Variants in ORC1 observed in about 807,000 individuals in gnomAD.
The protein encoded by ORC1 is origin recognition complex, subunit 1 homolog.
ORC1 carries 61 observed loss-of-function variants against 98.9 expected under a neutral mutation model. That is an observed-to-expected ratio of 0.62 (90% confidence interval 0.50 to 0.76). The LOEUF (loss-of-function observed/expected upper bound fraction) is 0.76. ORC1 is among the 30% of genes least tolerant of loss of function. The pLI is 0.00. For synonymous variants in ORC1, 385 were observed against 406.9 expected (o/e 0.95, Z 0.65); for missense variants, 979 against 1,072.2 (o/e 0.91, Z 1.21).
At chr1:52,384,818 C>A in intron 10 of ORC1, 97 bp from the exon 11 acceptor site, 7 of 1,127,808 alleles carry the variant, frequency 6.2e-6, no homozygotes, top group Non-Finnish European at 9.1e-6. Context: ...AGGGAAGGAC[C>A]GAGACCCTTG....
At chr1:52,383,641 T>C (rs1647103273) in intron 12 of ORC1, 72 bp from the exon 13 acceptor site, 3 of 1,529,902 alleles carry the variant, frequency 2.0e-6, no homozygotes, top group Admixed American at 1.7e-5. Context: ...TGAAGACCTA[T>C]AACCACTGCT....
chr1:52,408,042 C>G (rs1393612586), upstream of ORC1, among the ~76,000 whole-genome samples: 6 of 152,098 alleles, frequency 3.9e-5, no homozygotes, highest in Non-Finnish European at 8.8e-5. Context: ...GGCAACAGAG[C>G]AAGATTCTGT....
Position 52,385,966 on chromosome 1 carries a change from G to T in ORC1, c.1384-17C>A, listed in dbSNP as rs755178498. On this transcript the variant is annotated splice_polypyrimidine_tract_variant and intron_variant, in intron 8 of 16. Coordinates refer to ENST00000371568, the MANE Select transcript of ORC1 (RefSeq NM_004153.4). ...AGGCTTGAGCTGTATTGAAAACAAA[G>T]AACATATTTCACAAGGAAAAAGCAA... The T allele has an allele frequency of 1.3e-6, 2 of 1,596,702 alleles. No individual in the cohort carries two copies. The highest frequency in any genetic ancestry group is 2.7e-5 in the African/African-American group (2 of 74,598).
Position 52,384,660 on chromosome 1 carries a change from G to A in ORC1, c.1645C>T (p.Arg549Cys), listed in dbSNP as rs148581880. The change falls in exon 11 of 17, where the codon CGC (arginine) becomes TGC (cysteine). Residue 549 changes from arginine to cysteine, a missense_variant. Transcript: ENST00000371568. ...GCTTGGGCTGCCTGCTGCAGGCAGC[G>A]TATCACTTCATGAACAGTGGCAGTC... is the stretch of plus-strand genomic sequence containing the variant. ...GKTATVHEVI[R>C]CLQQAAQAND... 68 of 1,613,174 alleles carry A rather than the reference G, an allele frequency of 4.2e-5. No homozygotes were observed. The highest frequency in any genetic ancestry group is 1.6e-4 in the Middle Eastern group (1 of 6,078).
rs41294506 is a variant in ORC1 at position 52,401,242 on chromosome 1, C to A, written c.223+120G>T. On this transcript the variant is annotated intron_variant, in intron 3 of 16. Transcript: ENST00000371568. ...TGGAAGAAGACGCAGCTAGTTCTTA[C>A]GTGATCCCACCTCAGTCTAATGTGC... 7 of 1,283,910 alleles carry A rather than the reference C, an allele frequency of 5.5e-6. No homozygotes were observed. In the African/African-American group the frequency reaches 8.7e-5, roughly 16 times the overall value. The allele number at this position is 1,283,910 out of a possible 1,614,324, so 79.5% of individuals were successfully genotyped here.
intron 6 of ORC1, among the ~76,000 whole-genome samples, chr1:52,391,022 A>C (rs115549980): frequency 6.6e-6 from 1 of 152,068 alleles, no homozygotes; most frequent in Non-Finnish European, 1.5e-5. Context: ...AAAATCTAGA[A>C]GATAACGGGC....
At chr1:52,382,230 C>T (rs553254712) in intron 13 of ORC1, among the ~76,000 whole-genome samples, 4 of 152,258 alleles carry the variant, frequency 2.6e-5, no homozygotes, top group African/African-American at 7.2e-5. Flanking sequence ...CCACCTGCCT[C>T]GGCCTCCCAA....
In ORC1 at chr1:52,389,269, TAC is replaced by T; in HGVS notation, c.1133_1134del (p.Arg378HisfsTer14). 6.2e-7 allele frequency: 1 copy of T among 1,614,192 alleles called. No individual in the cohort carries two copies. The highest frequency in any genetic ancestry group is 8.5e-7 in the Non-Finnish European group (1 of 1,180,026). On this transcript the variant is annotated frameshift_variant, in exon 7 of 17. Transcript: ENST00000371568. LOFTEE classifies it high-confidence loss of function. ...AQNEATSTPH[R>X]IRRKSSVLTM... is the part of the protein sequence containing the mutation. ...GTCAAGACAGAACTCTTTCTGCGGATACGATGGGGAGTAGAGGTCGCTTCATT... is the reference window on the plus strand; with the variant it reads ...GTCAAGACAGAACTCTTTCTGCGGATGATGGGGAGTAGAGGTCGCTTCATT...
intron 6 of ORC1, among the ~76,000 whole-genome samples, chr1:52,390,623 C>G (rs539111611): frequency 7.2e-5 from 11 of 152,060 alleles, no homozygotes; most frequent in African/African-American, 2.4e-4. Flanking sequence ...ATGGTGAAAC[C>G]CTGTCTCTAC....
At chr1:52,386,495 T>C (rs1647144820) in intron 8 of ORC1, among the ~76,000 whole-genome samples, 1 of 152,212 alleles carries the variant, frequency 6.6e-6, no homozygotes, top group Non-Finnish European at 1.5e-5. Context: ...TCTTCTTCCT[T>C]GCTCATGGCT....
upstream of ORC1, chr1:52,404,920 G>A (rs749884101): frequency 1.2e-6 from 2 of 1,607,678 alleles, no homozygotes; most frequent in South Asian, 2.2e-5. Context: ...CCCCCTTGTG[G>A]CCCATTTCTC....
chr1:52,402,108 C>T (rs191987413), intron 2 of ORC1, 21 bp downstream of exon 2: 3 of 1,580,714 alleles, frequency 1.9e-6, no homozygotes, highest in African/African-American at 2.7e-5. Context: ...TCCAGGACAA[C>T]CAAAGGACCC....
chr1:52,395,394 G>C (rs1647348095), intron 5 of ORC1, among the ~76,000 whole-genome samples: 1 of 152,194 alleles, frequency 6.6e-6, no homozygotes, highest in Non-Finnish European at 1.5e-5. Context: ...AGTAAGCAGG[G>C]TTGGAGGACA....
In ORC1 at chr1:52,385,840, C is replaced by G. The variant is rs1482504356; in HGVS notation, c.1481+12G>C. On this transcript the variant is annotated intron_variant, in intron 9 of 16. Transcript: ENST00000371568. ...TCCTGCCTCTCTGAAGGGGAATCAA[C>G]AGCAGCAGTACCTCAGTCGGGCTTC... 6.3e-7 allele frequency: 1 copy of G among 1,597,154 alleles called. No individual in the cohort carries two copies. Among genetic ancestry groups the G allele is most frequent in the African/African-American group, 1.3e-5 (1 of 74,630 alleles).
rs751859383 is a variant in ORC1 at position 52,401,511 on chromosome 1, C to T, written c.96-22G>A. On this transcript the variant is annotated intron_variant, in intron 2 of 16. Transcript: ENST00000371568. ...TTCTCTAGGAAGTAACAGAGAAGCACATTAGGAAATAACTTAAAGTGGGTC... is the reference window on the plus strand; with the variant it reads ...TTCTCTAGGAAGTAACAGAGAAGCATATTAGGAAATAACTTAAAGTGGGTC... 3.7e-6 allele frequency: 6 copies of T among 1,613,518 alleles called. No homozygotes were observed. The South Asian group carries it at 5.5e-5, about 15-fold the overall frequency.
chr1:52,408,788 C>T (rs536004932), upstream of ORC1: 18 of 1,384,198 alleles, frequency 1.3e-5, no homozygotes, highest in African/African-American at 8.6e-5. Flanking sequence ...TGTGAATGCT[C>T]CTTTTCATCT....
chr1:52,381,585 C>G lies in ORC1; in HGVS notation c.2133+57G>C, dbSNP rs72899833. On this transcript the variant is annotated intron_variant, in intron 14 of 16. Coordinates refer to ENST00000371568, the MANE Select transcript of ORC1 (RefSeq NM_004153.4). ...GAGCACCAGCATAGGGCCTCATACC[C>G]AGCAGGTACTCAGCAAAGATGTGCT... 6.1e-3 allele frequency: 9,723 copies of G among 1,595,640 alleles called. 415 individuals carry two copies. In the African/African-American group the frequency reaches 0.1, roughly 17 times the overall value.
intron 6 of ORC1, among the ~76,000 whole-genome samples, chr1:52,392,477 C>T (rs1647235873): frequency 6.6e-6 from 1 of 152,072 alleles, no homozygotes; most frequent in South Asian, 2.1e-4. Context: ...ACTTGTACAA[C>T]CACTATAGAA....
rs575988113 is a variant in ORC1, at chr1:52,393,285, G to A, written c.1082+158C>T. On this transcript the variant is annotated intron_variant, in intron 6 of 16. Coordinates refer to ENST00000371568, the MANE Select transcript of ORC1 (RefSeq NM_004153.4). Reference sequence around the variant, plus strand: ...GTGCTTGGAGTCTGACTCACTAGGTGTGGGAAGAGGCCTAGAAATCTGTAT... The same window carrying A: ...GTGCTTGGAGTCTGACTCACTAGGTATGGGAAGAGGCCTAGAAATCTGTAT... 5.9e-5 allele frequency among the ~76,000 whole-genome samples: 9 copies of A among 152,348 alleles called. No homozygotes were observed. In the East Asian group the frequency reaches 1.7e-3, roughly 29 times the overall value.
Sources: allele counts gnomAD v4.1 joint callset (sites outside exome capture counted in the v4.1 genomes callset), GRCh38; gene constraint gnomAD v4.1.1; transcripts MANE v1.5; gene names NCBI Gene and HGNC (gene_info 2026-07-23, HGNC 2026-07-21).